MYO1D: variants seen among roughly 807,000 people sequenced by gnomAD.
MYO1D encodes unconventional myosin-Id.
In MYO1D, 83 loss-of-function variants were observed where a neutral mutation model predicts 122.0. The ratio of observed to expected loss-of-function variants is 0.68; its 90% CI spans 0.57 to 0.82. The LOEUF is 0.82. Among genes scored for constraint, MYO1D ranks in the 40% least tolerant of loss-of-function variants. MYO1D has a pLI of 0.00. For synonymous variants in MYO1D, 464 were observed against 446.9 expected (o/e 1.04, Z -0.48); for missense variants, 1,157 against 1,269.5 (o/e 0.91, Z 1.35).
Position 32,748,896 on chromosome 17 carries a change from G to A in MYO1D, c.1538+40C>T, listed in dbSNP as rs201414668. The A allele has an allele frequency of 9.9e-5, 151 of 1,527,030 alleles. 1 individual carries two copies. The highest frequency in any genetic ancestry group is 3.3e-4 in the Admixed American group (19 of 58,008). 94.6% of individuals were successfully genotyped at this position (1,527,030 alleles called of 1,614,324 possible). A position where few individuals can be genotyped will look rare whatever the true frequency, so the allele number is the denominator to read the frequency against. ...CTGGTTGTATTTTCTAAAGTGAGGC[G>A]GCATGCAAATCATGGTAGGTACCAA... On this transcript the variant is annotated intron_variant, in intron 12 of 21. Transcript: ENST00000318217.
intron 13 of MYO1D, among the ~76,000 whole-genome samples, chr17:32,743,566 C>A (rs1390616545): frequency 6.6e-6 from 1 of 151,976 alleles, no homozygotes; most frequent in Non-Finnish European, 1.5e-5. Context: ...TTCATTATCT[C>A]CATCACTACC....
intron 19 of MYO1D, among the ~76,000 whole-genome samples, chr17:32,643,632 TC>T (rs1167352290): frequency 1.3e-5 from 2 of 152,242 alleles, no homozygotes; most frequent in Non-Finnish European, 2.9e-5. Context: ...TTCACCTTCT[TC>T]CTGGTTTAGT....
Position 32,834,697 on chromosome 17 carries a change from A to C in MYO1D, c.95+42081T>G, listed in dbSNP as rs547006269. Reference sequence around the variant, plus strand: ...AACCTTAGCTGGAGTTACCTGCCCCAAAACAAACACTGTTCCTTTTCTTAA... The same window carrying C: ...AACCTTAGCTGGAGTTACCTGCCCCCAAACAAACACTGTTCCTTTTCTTAA... On this transcript the variant is annotated intron_variant, in intron 1 of 21. Transcript: ENST00000318217. Among the ~76,000 whole-genome samples the C allele has an allele frequency of 6.6e-5, 10 of 152,298 alleles. No homozygotes were observed. In the South Asian group the frequency reaches 2.1e-3, roughly 32 times the overall value.
At chr17:32,851,203 T>C (rs2090985316) in intron 1 of MYO1D, among the ~76,000 whole-genome samples, 1 of 152,172 alleles carries the variant, frequency 6.6e-6, no homozygotes, top group South Asian at 2.1e-4. Flanking sequence ...AGCCAACATC[T>C]TGCCTTCTAT....
At chr17:32,790,617 C>G (rs753720325) in intron 1 of MYO1D, among the ~76,000 whole-genome samples, 5 of 152,212 alleles carry the variant, frequency 3.3e-5, no homozygotes, top group Non-Finnish European at 5.9e-5. Context: ...ATACAAACAG[C>G]AACTTTTATT....
At chr17:32,659,545 T>A in intron 16 of MYO1D, 2 of 584,564 alleles carry the variant, frequency 3.4e-6, no homozygotes, top group Admixed American at 5.9e-5. Flanking sequence ...TTCAGCTGTC[T>A]AGCTGCTCAT....
intron 21 of MYO1D, among the ~76,000 whole-genome samples, chr17:32,532,451 G>C (rs576778337): frequency 6.6e-6 from 1 of 152,342 alleles, no homozygotes; most frequent in Admixed American, 6.5e-5. Context: ...GAAGGGGCCG[G>C]ACACAGTGGC....
At chr17:32,795,309 C>T (rs746995559) in intron 1 of MYO1D, among the ~76,000 whole-genome samples, 4 of 152,120 alleles carry the variant, frequency 2.6e-5, no homozygotes, top group Non-Finnish European at 5.9e-5. Context: ...GATAACCACA[C>T]CATCACGGCC....
chr17:32,726,600 G>T (rs973137303), intron 14 of MYO1D, among the ~76,000 whole-genome samples: 5 of 149,102 alleles, frequency 3.4e-5, no homozygotes, highest in African/African-American at 1.2e-4. Flanking sequence ...TCATCTAATA[G>T]CTATAACAGA....
intron 16 of MYO1D, among the ~76,000 whole-genome samples, chr17:32,703,842 G>T (rs1283138184): frequency 6.6e-6 from 1 of 152,038 alleles, no homozygotes; most frequent in Non-Finnish European, 1.5e-5. Flanking sequence ...CTTCTTTCAG[G>T]ATTTCCCCAG....
At chr17:32,814,452 T>C (rs2090597462) in intron 1 of MYO1D, among the ~76,000 whole-genome samples, 1 of 152,232 alleles carries the variant, frequency 6.6e-6, no homozygotes, top group Non-Finnish European at 1.5e-5. Context: ...AATGAATTTG[T>C]AAGCACAGAA....
intron 12 of MYO1D, among the ~76,000 whole-genome samples, chr17:32,747,608 G>A (rs533767605): frequency 2.0e-5 from 3 of 152,144 alleles, no homozygotes; most frequent in Non-Finnish European, 2.9e-5. Flanking sequence ...AGGCCAAGGC[G>A]GGCAGATCAA....
intron 1 of MYO1D, among the ~76,000 whole-genome samples, chr17:32,817,123 C>T (rs1262679387): frequency 6.6e-6 from 1 of 152,126 alleles, no homozygotes; most frequent in Non-Finnish European, 1.5e-5. Flanking sequence ...GATACAGGGT[C>T]ATGATATGTT....
At chr17:32,573,233 A>G (rs1055039471) in intron 21 of MYO1D, among the ~76,000 whole-genome samples, 10 of 152,046 alleles carry the variant, frequency 6.6e-5, no homozygotes, top group Admixed American at 3.9e-4. Context: ...AATATGTTCT[A>G]TTTTCTTGCT....
At chr17:32,599,203 A>C (rs2087532427) in intron 21 of MYO1D, among the ~76,000 whole-genome samples, 1 of 152,194 alleles carries the variant, frequency 6.6e-6, no homozygotes, top group Non-Finnish European at 1.5e-5. Context: ...TTATCAACTA[A>C]GTTTATATAA....
chr17:32,706,130 C>CA (rs1187549591), intron 16 of MYO1D, among the ~76,000 whole-genome samples: 1 of 152,098 alleles, frequency 6.6e-6, no homozygotes, highest in South Asian at 2.1e-4. Context: ...TTTTTGGAGA[C>CA]AGAGTCTCAC....
rs1272473096 is a variant in MYO1D, at chr17:32,524,807, C to T, written c.2865-29892G>A. On this transcript the variant is annotated intron_variant, in intron 21 of 21. Transcript: ENST00000318217. ...TGAACTCCTGACCTTGTGATTCACC[C>T]ACCTTGGCCTCCCAAAGTGCTGGGA... Among the ~76,000 whole-genome samples, 4 of 152,140 alleles carry T rather than the reference C, an allele frequency of 2.6e-5. No individual in the cohort carries two copies. In the East Asian group the frequency reaches 7.7e-4, roughly 29 times the overall value.
chr17:32,790,725 T>C (rs190235012), intron 1 of MYO1D, among the ~76,000 whole-genome samples: 263 of 152,198 alleles, frequency 1.7e-3, no homozygotes, highest in African/African-American at 4.0e-3. Context: ...TGGGTCTCAA[T>C]TGGAATTGGA....
chr17:32,560,009 C>G (rs533122505), intron 21 of MYO1D, among the ~76,000 whole-genome samples: 1 of 152,320 alleles, frequency 6.6e-6, no homozygotes, highest in African/African-American at 2.4e-5. Flanking sequence ...GTAATCCCAG[C>G]ACTTTGGGAG....
Sources: gnomAD v4.1 joint callset for allele counts (sites outside exome capture counted in the v4.1 genomes callset) on GRCh38, gnomAD v4.1.1 for gene constraint, MANE v1.5 for transcripts, NCBI Gene and HGNC (gene_info 2026-07-23, HGNC 2026-07-21) for gene names.